Variants in UGT1A6 observed in about 807,000 individuals in gnomAD.
The protein encoded by UGT1A6 is UDP-glucuronosyltransferase 1A6.
Under a neutral mutation model 44.4 loss-of-function variants are expected in UGT1A6, and 32 were observed. The ratio of observed to expected loss-of-function variants is 0.72; its 90% CI spans 0.54 to 0.97. The LOEUF (loss-of-function observed/expected upper bound fraction) is 0.97. UGT1A6 is among the 50% of genes least tolerant of loss of function. The probability of loss-of-function intolerance (pLI) is 0.00; values close to 1 mark genes in which losing one functional copy is unlikely to be tolerated. For missense variants in UGT1A6, 685 were observed against 661.9 expected (o/e 1.03, Z -0.38); for synonymous variants, 238 against 248.5 (o/e 0.96, Z 0.40).
chr2:233,700,397 T>C (rs1172875233), intron 1 of UGT1A6, among the ~76,000 whole-genome samples: 1 of 152,226 alleles, frequency 6.6e-6, no homozygotes, highest in African/African-American at 2.4e-5. Context: ...TGGAACATTT[T>C]GGCAGCAGTG....
In UGT1A6 at chr2:233,772,321, T is replaced by C; in HGVS notation, c.1361T>C (p.Leu454Pro). 1 of 1,614,248 alleles carries C rather than the reference T, an allele frequency of 6.2e-7. No homozygotes were observed. The highest frequency in any genetic ancestry group is 8.5e-7 in the Non-Finnish European group (1 of 1,180,036). ...CACAAGGACCGCCCGGTGGAGCCGC[T>C]GGACCTGGCCGTGTTCTGGGTGGAG... is the stretch of plus-strand genomic sequence containing the variant. Reference protein sequence around the residue: ...SLHKDRPVEPLDLAVFWVEFV... With the variant: ...SLHKDRPVEPPDLAVFWVEFV... Residue 454 changes from leucine to proline, a missense_variant, in exon 5 of 5, where the codon CTG (leucine) becomes CCG (proline). By Grantham distance (98) the Leu-to-Pro change is moderately conservative. Coordinates refer to ENST00000305139, the MANE Select transcript of UGT1A6 (RefSeq NM_001072.4).
chr2:233,740,668 G>C (rs1267064015), intron 1 of UGT1A6: 1 of 151,782 alleles, frequency 6.6e-6, no homozygotes, highest in Non-Finnish European at 1.5e-5. Context: ...GAAGGTACAG[G>C]TGTTTCCATG....
Position 233,693,316 on chromosome 2 carries a change from C to A in UGT1A6, c.312C>A (p.Phe104Leu). Residue 104 changes from phenylalanine to leucine, a missense_variant, in exon 1 of 5, where the codon TTC becomes TTA. Phe to Leu is a conservative substitution (Grantham distance 22). Transcript: ENST00000305139. ...ACAATCACTTTGCTGAGCGATCATT[C>A]CTAACTGCTCCTCAGACAGAGTACA... ...FGNNHFAERSFLTAPQTEYRN... is the reference protein window; with the variant it reads ...FGNNHFAERSLLTAPQTEYRN... The A allele has an allele frequency of 6.2e-7, 1 of 1,614,156 alleles. No individual in the cohort carries two copies. Among genetic ancestry groups the A allele is most frequent in the Admixed American group, 1.7e-5 (1 of 60,026 alleles).
intron 1 of UGT1A6, among the ~76,000 whole-genome samples, chr2:233,746,568 A>G (rs1299748110): frequency 6.6e-6 from 1 of 151,704 alleles, no homozygotes; most frequent in Non-Finnish European, 1.5e-5. Flanking sequence ...AGAGCACCAC[A>G]CCCTGTAATT....
At chr2:233,707,194 T>C (rs1446622222) in intron 1 of UGT1A6, among the ~76,000 whole-genome samples, 1 of 152,148 alleles carries the variant, frequency 6.6e-6, no homozygotes, top group Non-Finnish European at 1.5e-5. Context: ...TGCCCTCCGT[T>C]CTATTCCCTT....
chr2:233,694,710 C>T (rs934435713), intron 1 of UGT1A6, among the ~76,000 whole-genome samples: 1 of 152,132 alleles, frequency 6.6e-6, no homozygotes, highest in African/African-American at 2.4e-5. Flanking sequence ...TTCTTTACAC[C>T]TGCTGATTTC....
intron 1 of UGT1A6, among the ~76,000 whole-genome samples, chr2:233,737,114 T>A (rs79657348): frequency 0.021 from 3,211 of 152,324 alleles, 101 homozygotes; most frequent in African/African-American, 0.073. Context: ...TCCCCACATG[T>A]TCAGAAGTTG....
At chr2:233,763,334 A>C (rs1454444157) in intron 1 of UGT1A6, among the ~76,000 whole-genome samples, 1 of 152,148 alleles carries the variant, frequency 6.6e-6, no homozygotes, top group Non-Finnish European at 1.5e-5. Flanking sequence ...TTTTGTTTAC[A>C]TTTCCCTAGC....
Position 233,693,016 on chromosome 2 carries a change from C to G in UGT1A6, c.12C>G (p.Leu4=), listed in dbSNP as rs769422699. Residue 4 remains leucine, a synonymous_variant, in exon 1 of 5, where the codon CTC becomes CTG. Coordinates refer to ENST00000305139, the MANE Select transcript of UGT1A6 (RefSeq NM_001072.4). ...TAACTCTTTCCAGGATGGCCTGCCT[C>G]CTTCGCTCATTTCAGAGAATTTCTG... is the stretch of plus-strand genomic sequence containing the variant. MAC[L]LRSFQRISAG... 6.2e-7 allele frequency: 1 copy of G among 1,613,998 alleles called. No homozygotes were observed. Among genetic ancestry groups the G allele is most frequent in the Non-Finnish European group, 8.5e-7 (1 of 1,180,028 alleles).
Position 233,727,426 on chromosome 2 carries a change from C to G in UGT1A6, c.861+33561C>G, listed in dbSNP as rs186038062. On this transcript the variant is annotated intron_variant, in intron 1 of 4. Coordinates refer to ENST00000305139, the MANE Select transcript of UGT1A6 (RefSeq NM_001072.4). ...TGGGCCTCCTCAGGGTCTGGGAGTCCCAGACATGTGACAAGAAATCAGATG... is the reference window on the plus strand; with the variant it reads ...TGGGCCTCCTCAGGGTCTGGGAGTCGCAGACATGTGACAAGAAATCAGATG... 2.0e-5 allele frequency among the ~76,000 whole-genome samples: 3 copies of G among 152,090 alleles called. No homozygotes were observed. In the South Asian group the frequency reaches 6.2e-4, roughly 32 times the overall value.
rs28898609 is a variant in UGT1A6 at position 233,718,170 on chromosome 2, C to G, written c.861+24305C>G. The G allele has an allele frequency of 6.8e-3, 1,637 of 241,004 alleles. 38 individuals are homozygous for G. The highest frequency in any genetic ancestry group is 0.033 in the African/African-American group (1,513 of 45,480). The allele number at this position is 241,004 out of a possible 1,614,324, so 14.9% of individuals were successfully genotyped here. The stretch of plus-strand genomic sequence containing the variant: ...AAAGCCTTCCCAAGAATATGATCAT[C>G]ACATCTTGAGCTCAGCCTCCCCGGA... On this transcript the variant is annotated intron_variant, in intron 1 of 4. Coordinates refer to ENST00000305139, the MANE Select transcript of UGT1A6 (RefSeq NM_001072.4).
chr2:233,739,185 T>C (rs1265092555), intron 1 of UGT1A6: 3 of 152,264 alleles, frequency 2.0e-5, no homozygotes, highest in Admixed American at 2.0e-4. Context: ...AATGCTTGGA[T>C]GTCCAGGCAG....
At position 233,713,313 on chromosome 2, in the gene UGT1A6, A is replaced by T. The variant is rs766255913; in HGVS notation, c.861+19448A>T. On this transcript the variant is annotated intron_variant, in intron 1 of 4. Transcript: ENST00000305139. ...GTTCTTTGAAACAGAACATCTTCTG[A>T]TGAAATTTTCTAGAAGAATGGCAAT... is the stretch of plus-strand genomic sequence containing the variant. 7 of 1,614,222 alleles carry T rather than the reference A, an allele frequency of 4.3e-6. No homozygotes were observed. The Admixed American group carries it at 1.0e-4, about 23-fold the overall frequency.
At chr2:233,755,919 G>T (rs1439576672) in intron 1 of UGT1A6, 1 of 148,990 alleles carries the variant, frequency 6.7e-6, no homozygotes, top group Non-Finnish European at 1.5e-5. Context: ...GAGAAGAGTG[G>T]CATCGTTTTA....
intron 1 of UGT1A6, among the ~76,000 whole-genome samples, chr2:233,699,289 G>A (rs2075496280): frequency 6.6e-6 from 1 of 151,998 alleles, no homozygotes; most frequent in African/African-American, 2.4e-5. Context: ...CCAGATGCTG[G>A]GACACTCTTA....
chr2:233,748,526 A>G (rs1693963242), intron 1 of UGT1A6, among the ~76,000 whole-genome samples: 1 of 151,860 alleles, frequency 6.6e-6, no homozygotes, highest in South Asian at 2.1e-4. Context: ...CGAATGATAG[A>G]GAGGTGACCA....
intron 1 of UGT1A6, among the ~76,000 whole-genome samples, chr2:233,724,344 C>A (rs2077229957): frequency 6.9e-6 from 1 of 144,926 alleles, no homozygotes; most frequent in Non-Finnish European, 1.5e-5. Context: ...GGGCTGACCC[C>A]CCCCACCTCC....
chr2:233,761,671 C>T (rs1489520357), intron 1 of UGT1A6, among the ~76,000 whole-genome samples: 1 of 152,240 alleles, frequency 6.6e-6, no homozygotes, highest in Non-Finnish European at 1.5e-5. Flanking sequence ...ACCAGACAGT[C>T]AGGTTCTGAC....
rs532529523 is a variant in UGT1A6 at position 233,747,113 on chromosome 2, A to T, written c.862-19921A>T. 13 of 1,433,550 alleles carry T rather than the reference A, an allele frequency of 9.1e-6. No homozygotes were observed. The African/African-American group carries it at 1.3e-4, about 14-fold the overall frequency. 88.8% of individuals were successfully genotyped at this position (1,433,550 alleles called of 1,614,324 possible). ...CACTCTATCTTCCAATTACATGATGATTTGCTAAGTGGCTCAGTGACAAGG... is the reference window on the plus strand; with the variant it reads ...CACTCTATCTTCCAATTACATGATGTTTTGCTAAGTGGCTCAGTGACAAGG... On this transcript the variant is annotated intron_variant, in intron 1 of 4. Coordinates refer to ENST00000305139, the MANE Select transcript of UGT1A6 (RefSeq NM_001072.4).
Sources: gnomAD v4.1 joint callset for allele counts (sites outside exome capture counted in the v4.1 genomes callset) on GRCh38, gnomAD v4.1.1 for gene constraint, MANE v1.5 for transcripts, NCBI Gene and HGNC (gene_info 2026-07-23, HGNC 2026-07-21) for gene names.